HIP1: variants seen among roughly 807,000 people sequenced by gnomAD.
HIP1 encodes the protein huntingtin interacting protein 1, also known as huntingtin-interacting protein 1.
HIP1 carries 65 observed loss-of-function variants against 147.6 expected under a neutral mutation model. That is an observed-to-expected ratio of 0.44 (90% CI 0.36 to 0.54). The LOEUF (loss-of-function observed/expected upper bound fraction) is 0.54, where lower values mean the gene tolerates loss of function less well. HIP1 is among the 20% of genes least tolerant of loss of function. The probability of loss-of-function intolerance (pLI) is 0.00; values close to 1 mark genes in which losing one functional copy is unlikely to be tolerated. For synonymous variants in HIP1, 479 were observed against 504.0 expected, an observed-to-expected ratio of 0.95 and a Z score of 0.67; for missense variants, 1,061 against 1,299.6, an observed-to-expected ratio of 0.82 and a Z score of 2.82.
intron 1 of HIP1, among the ~76,000 whole-genome samples, chr7:75,723,603 C>A (rs1173377433): frequency 6.6e-6 from 1 of 152,106 alleles, no homozygotes; most frequent in Non-Finnish European, 1.5e-5. Context: ...CAGGGGCCAC[C>A]CTTAGCTCCT....
chr7:75,644,801 C>T (rs1024102641), intron 1 of HIP1, among the ~76,000 whole-genome samples: 2 of 152,124 alleles, frequency 1.3e-5, no homozygotes, highest in Non-Finnish European at 2.9e-5. Flanking sequence ...CATGGGAACG[C>T]CTGCAAGCAA....
chr7:75,686,002 T>G (rs969091701), intron 1 of HIP1, among the ~76,000 whole-genome samples: 2 of 152,052 alleles, frequency 1.3e-5, no homozygotes, highest in Non-Finnish European at 2.9e-5. Flanking sequence ...CTCAAGCAAT[T>G]CTTGTGCCTC....
In HIP1 at chr7:75,665,045, G is replaced by A. The variant is rs981407023; in HGVS notation, c.121-65798C>T. Among the ~76,000 whole-genome samples, 5 of 152,254 alleles carry A rather than the reference G, an allele frequency of 3.3e-5. No homozygotes were observed. In the South Asian group the frequency reaches 8.3e-4, roughly 25 times the overall value. On this transcript the variant is annotated intron_variant, in intron 1 of 30. Transcript: ENST00000336926. ...TCCTAGCTCTTTGGGAGGCCAAGGT[G>A]TTCGAAACCAGCCTGGGAAATATAG...
At chr7:75,547,644 C>T (rs2116762697) in intron 24 of HIP1, 111 bp downstream of exon 24, 1 of 838,498 alleles carries the variant, frequency 1.2e-6, no homozygotes, top group East Asian at 2.4e-5. Flanking sequence ...CAGCCCTTCC[C>T]CGTGGCTGCT....
intron 1 of HIP1, among the ~76,000 whole-genome samples, chr7:75,656,598 C>T (rs947611739): frequency 1.3e-5 from 2 of 152,134 alleles, no homozygotes; most frequent in Non-Finnish European, 2.9e-5. Context: ...CTGCCTCAGC[C>T]TCTGGAGTAG....
intron 1 of HIP1, among the ~76,000 whole-genome samples, chr7:75,643,831 C>T (rs1798723352): frequency 6.6e-6 from 1 of 152,088 alleles, no homozygotes; most frequent in Non-Finnish European, 1.5e-5. Context: ...GAAACCCTGT[C>T]TCTACTAAAA....
intron 1 of HIP1, among the ~76,000 whole-genome samples, chr7:75,629,688 G>A (rs901912250): frequency 2.0e-5 from 3 of 152,036 alleles, no homozygotes; most frequent in Non-Finnish European, 2.9e-5. Flanking sequence ...GATTACAGGC[G>A]TGAGCCACCA....
chr7:75,634,054 T>C (rs1244286353), intron 1 of HIP1, among the ~76,000 whole-genome samples: 3 of 151,958 alleles, frequency 2.0e-5, no homozygotes, highest in African/African-American at 7.3e-5. Flanking sequence ...CCAGGAGTTC[T>C]AGACCATACT....
chr7:75,669,238 C>T (rs553562401), intron 1 of HIP1, among the ~76,000 whole-genome samples: 5 of 151,708 alleles, frequency 3.3e-5, no homozygotes, highest in South Asian at 2.1e-4. Context: ...GCTGGCATGG[C>T]GGCGGGCGCC....
rs1293148810 is a variant in HIP1 at position 75,537,777 on chromosome 7, C to T, written c.*395G>A. 4 of 275,896 alleles carry T rather than the reference C, an allele frequency of 1.4e-5. No homozygotes were observed. The highest frequency in any genetic ancestry group is 4.8e-5 in the Admixed American group (1 of 20,690). The allele number at this position is 275,896 out of a possible 1,614,324, so 17.1% of individuals were successfully genotyped here. ...AGAAAAGGCATAAGATCTTCCCTTT[C>T]CAAGCTGTCAACAAACAACAAGCAG... is the stretch of plus-strand genomic sequence containing the variant. On this transcript the variant is annotated 3_prime_UTR_variant, in exon 31 of 31. Transcript: ENST00000336926.
chr7:75,714,455 C>CTT (rs71082343), intron 1 of HIP1, among the ~76,000 whole-genome samples: 5 of 137,796 alleles, frequency 3.6e-5, no homozygotes, highest in South Asian at 4.5e-4. Flanking sequence ...ATCTTTTTTT[C>CTT]TTTTTTTTTT....
chr7:75,663,290 A>C (rs1016386503), intron 1 of HIP1, among the ~76,000 whole-genome samples: 4 of 152,128 alleles, frequency 2.6e-5, no homozygotes, highest in Admixed American at 2.0e-4. Context: ...ACTCAAAGAC[A>C]GATCATTTAA....
chr7:75,730,251 A>G (rs1801794628), intron 1 of HIP1, among the ~76,000 whole-genome samples: 1 of 151,940 alleles, frequency 6.6e-6, no homozygotes, highest in Non-Finnish European at 1.5e-5. Context: ...GGAGGAAGAG[A>G]GCAGAGGGTG....
At chr7:75,615,727 T>C (rs1453337769) in intron 1 of HIP1, among the ~76,000 whole-genome samples, 2 of 151,976 alleles carry the variant, frequency 1.3e-5, no homozygotes, top group African/African-American at 4.8e-5. Context: ...TGAGCCGAGA[T>C]TGTGCCACTA....
At chr7:75,717,160 C>T (rs1801348750) in intron 1 of HIP1, among the ~76,000 whole-genome samples, 1 of 152,108 alleles carries the variant, frequency 6.6e-6, no homozygotes, top group African/African-American at 2.4e-5. Flanking sequence ...TGTGCAGTCT[C>T]ACTTGACCCA....
intron 1 of HIP1, among the ~76,000 whole-genome samples, chr7:75,668,526 T>C (rs563417642): frequency 7.2e-5 from 11 of 152,262 alleles, no homozygotes; most frequent in Non-Finnish European, 1.2e-4. Flanking sequence ...GGTTTCACCA[T>C]GTTGGCCAGG....
chr7:75,638,829 G>A (rs1019674039), intron 1 of HIP1, among the ~76,000 whole-genome samples: 2 of 152,282 alleles, frequency 1.3e-5, no homozygotes, highest in East Asian at 1.9e-4. Flanking sequence ...GCAGCCCGGC[G>A]GCGGCGCGGC....
At chr7:75,613,471 A>G (rs782121742) in intron 1 of HIP1, among the ~76,000 whole-genome samples, 6 of 152,196 alleles carry the variant, frequency 3.9e-5, no homozygotes, top group Non-Finnish European at 8.8e-5. Context: ...TAGTGGTAGT[A>G]GCAGGAGCCA....
chr7:75,728,571 C>A (rs1331148218), intron 1 of HIP1, among the ~76,000 whole-genome samples: 2 of 152,196 alleles, frequency 1.3e-5, no homozygotes, highest in Non-Finnish European at 1.5e-5. Flanking sequence ...GAATGGGGAG[C>A]AGAAAACAGT....
Sources: gnomAD v4.1 joint callset for allele counts (sites outside exome capture counted in the v4.1 genomes callset) on GRCh38, gnomAD v4.1.1 for gene constraint, MANE v1.5 for transcripts, NCBI Gene and HGNC (gene_info 2026-07-23, HGNC 2026-07-21) for gene names.